ACVR2A: variants seen among roughly 807,000 people sequenced by gnomAD.
ACVR2A encodes activin receptor type-2A.
ACVR2A carries 7 observed loss-of-function variants against 61.4 expected under a neutral mutation model. The ratio of observed to expected loss-of-function variants is 0.11; its 90% CI spans 0.06 to 0.21. ACVR2A has a LOEUF of 0.21. ACVR2A is among the 10% of genes least tolerant of loss of function. ACVR2A has a pLI of 1.00. For missense variants in ACVR2A, 322 were observed against 621.7 expected (o/e 0.52, Z 5.13); for synonymous variants, 193 against 208.3 (o/e 0.93, Z 0.63).
At chr2:147,871,164 G>A (rs2105157802) in intron 1 of ACVR2A, among the ~76,000 whole-genome samples, 1 of 152,056 alleles carries the variant, frequency 6.6e-6, no homozygotes, top group South Asian at 2.1e-4. Context: ...TAGAGCTCAT[G>A]TGTGGAAAGG....
intron 2 of ACVR2A, among the ~76,000 whole-genome samples, chr2:147,897,485 CTG>C (rs1686766359): frequency 6.6e-6 from 1 of 152,134 alleles, no homozygotes; most frequent in African/African-American, 2.4e-5. Context: ...GATCCCTTAA[CTG>C]CCTGGGCCAC....
intron 1 of ACVR2A, among the ~76,000 whole-genome samples, chr2:147,854,149 T>C (rs1336183598): frequency 6.6e-6 from 1 of 152,182 alleles, no homozygotes; most frequent in Non-Finnish European, 1.5e-5. Context: ...GAAATAATAC[T>C]CTGACTAAAT....
Position 147,845,079 on chromosome 2 carries a change from T to G in ACVR2A, c.-74T>G. On this transcript the variant is annotated 5_prime_UTR_variant, in exon 1 of 11. Coordinates refer to ENST00000241416, the MANE Select transcript of ACVR2A (RefSeq NM_001616.5). ...GACGGTTGATTTTACACCAGGAGGT[T>G]TGTCTCCGAGGAAGACCCAGGGAAC... 1.6e-6 allele frequency: 2 copies of G among 1,267,716 alleles called. No individual in the cohort carries two copies. Among genetic ancestry groups the G allele is most frequent in the Non-Finnish European group, 2.2e-6 (2 of 897,996 alleles). 78.5% of individuals were successfully genotyped at this position (1,267,716 alleles called of 1,614,324 possible). A position where few individuals can be genotyped will look rare whatever the true frequency, so the allele number is the denominator to read the frequency against.
At chr2:147,874,126 G>A (rs1686095183) in intron 1 of ACVR2A, among the ~76,000 whole-genome samples, 1 of 151,870 alleles carries the variant, frequency 6.6e-6, no homozygotes. Context: ...CTTTGACAGT[G>A]AAATAAGATA....
chr2:147,891,589 A>G (rs1368914216), intron 1 of ACVR2A, among the ~76,000 whole-genome samples: 2 of 152,134 alleles, frequency 1.3e-5, no homozygotes, highest in African/African-American at 2.4e-5. Context: ...CCAAAAAAAG[A>G]ATAATATTTT....
intron 1 of ACVR2A, among the ~76,000 whole-genome samples, chr2:147,874,982 C>G (rs74751222): frequency 2.8e-3 from 421 of 152,028 alleles, no homozygotes; most frequent in African/African-American, 9.5e-3. Context: ...GACAAATTTC[C>G]TGTCCACCAA....
chr2:147,854,279 A>G (rs1573911584), intron 1 of ACVR2A, among the ~76,000 whole-genome samples: 1 of 152,212 alleles, frequency 6.6e-6, no homozygotes, highest in South Asian at 2.1e-4. Context: ...TTTAGCATGC[A>G]TTAAAAAGAA....
chr2:147,845,015 TTTTTTTTTTTTTG>T, upstream of ACVR2A: 1 of 211,016 alleles, frequency 4.7e-6, no homozygotes, highest in South Asian at 2.0e-4. Flanking sequence ...TTTTTTTTTT[TTTTTTTTTTTTTG>T]GTCTGGGCTT....
Position 147,928,894 on chromosome 2 carries a change from G to A in ACVR2A, c.*1620G>A, listed in dbSNP as rs1384282034. On this transcript the variant is annotated 3_prime_UTR_variant, in exon 11 of 11. Coordinates refer to ENST00000241416, the MANE Select transcript of ACVR2A (RefSeq NM_001616.5). ...GTATTATGCTGTGTATTTCTGTCAG[G>A]TCATTTTAAAATCCATGTTAATTTT... 2 of 152,272 alleles carry A rather than the reference G, an allele frequency of 1.3e-5. No homozygotes were observed. The highest frequency in any genetic ancestry group is 4.8e-5 in the African/African-American group (2 of 41,376). 9.4% of individuals were successfully genotyped at this position (152,272 alleles called of 1,614,324 possible). A position where few individuals can be genotyped will look rare whatever the true frequency, so the allele number is the denominator to read the frequency against.
At chr2:147,846,778 A>T (rs1685322197) in intron 1 of ACVR2A, among the ~76,000 whole-genome samples, 1 of 151,654 alleles carries the variant, frequency 6.6e-6, no homozygotes, top group Non-Finnish European at 1.5e-5. Context: ...TTCCAGTAGT[A>T]CTCTTTTTTC....
At chr2:147,896,268 T>C in intron 1 of ACVR2A, 33 bp from the exon 2 acceptor site, 2 of 1,553,148 alleles carry the variant, frequency 1.3e-6, no homozygotes, top group Non-Finnish European at 1.8e-6. Context: ...TAACAGATAA[T>C]GTGGTTATAT....
chr2:147,917,203 CTTAT>C (rs1488462648), intron 5 of ACVR2A, 76 bp from the exon 6 acceptor site: 5 of 1,371,364 alleles, frequency 3.6e-6, no homozygotes, highest in Non-Finnish European at 4.8e-6. Flanking sequence ...TACTTTGGAA[CTTAT>C]TTGAGTAATC....
At position 147,922,211 on chromosome 2, in the gene ACVR2A, T is replaced by TA. The variant is rs541813038; in HGVS notation, c.1078-754dup. Among the ~76,000 whole-genome samples the TA allele has an allele frequency of 4.6e-5, 7 of 152,088 alleles. No individual in the cohort carries two copies. In the East Asian group the frequency reaches 7.7e-4, roughly 17 times the overall value. On this transcript the variant is annotated intron_variant, in intron 8 of 10. Transcript: ENST00000241416. ...AGTCTTAGTGATCTGTCTTTATTCTTAAAAAAAATCTTTACATGTATATTT... is the reference window on the plus strand; with the variant it reads ...AGTCTTAGTGATCTGTCTTTATTCTTAAAAAAAAATCTTTACATGTATATTT...
At chr2:147,854,040 T>C (rs1266427004) in intron 1 of ACVR2A, among the ~76,000 whole-genome samples, 1 of 152,156 alleles carries the variant, frequency 6.6e-6, no homozygotes, top group Non-Finnish European at 1.5e-5. Context: ...TATCTTTAAG[T>C]CCCATTTAAA....
intron 4 of ACVR2A, among the ~76,000 whole-genome samples, chr2:147,904,806 G>A (rs1330391800): frequency 6.6e-6 from 1 of 152,014 alleles, no homozygotes; most frequent in Admixed American, 6.6e-5. Context: ...ACAGTTTTCA[G>A]CCAAGTTAAT....
intron 1 of ACVR2A, among the ~76,000 whole-genome samples, chr2:147,883,521 A>G (rs148001458): frequency 1.3e-5 from 2 of 152,330 alleles, no homozygotes; most frequent in African/African-American, 4.8e-5. Flanking sequence ...AAGAAACTAC[A>G]TAATACACAA....
Position 147,845,112 on chromosome 2 carries a change from C to G in ACVR2A, c.-41C>G, listed in dbSNP as rs1269953325. 1.3e-6 allele frequency: 2 copies of G among 1,504,306 alleles called. No individual in the cohort carries two copies. The highest frequency in any genetic ancestry group is 5.4e-5 in the East Asian group (2 of 36,790). 93.2% of individuals were successfully genotyped at this position (1,504,306 alleles called of 1,614,324 possible). A position where few individuals can be genotyped will look rare whatever the true frequency, so the allele number is the denominator to read the frequency against. ...GAGGAAGACCCAGGGAACTGGATAT[C>G]TAGCGAGAACTTCCTCCGGATTCCC... On this transcript the variant is annotated 5_prime_UTR_variant, in exon 1 of 11. It adds an upstream start codon to the 5' untranslated region. Coordinates refer to ENST00000241416, the MANE Select transcript of ACVR2A (RefSeq NM_001616.5).
Position 147,927,211 on chromosome 2 carries a change from C to T in ACVR2A, c.1479C>T (p.Asp493=). The T allele has an allele frequency of 6.2e-7, 1 of 1,612,184 alleles. No homozygotes were observed. The highest frequency in any genetic ancestry group is 8.5e-7 in the Non-Finnish European group (1 of 1,178,774). Reference sequence around the variant, plus strand: ...TAACAAATATTATTACCACAGAGGACATTGTAACAGTGGTCACAATGGTGA... The same window carrying T: ...TAACAAATATTATTACCACAGAGGATATTGTAACAGTGGTCACAATGGTGA... ...QRLTNIITTE[D]IVTVVTMVTN... Residue 493 remains aspartate (D), a synonymous_variant, in exon 11 of 11, where the codon GAC becomes GAT. Coordinates refer to ENST00000241416, the MANE Select transcript of ACVR2A (RefSeq NM_001616.5).
chr2:147,915,405 C>A, intron 5 of ACVR2A, 71 bp downstream of exon 5: 2 of 1,577,044 alleles, frequency 1.3e-6, no homozygotes, highest in South Asian at 1.1e-5. Context: ...CAGAAATAGT[C>A]TCAAAACAGA....
Sources: gnomAD v4.1 joint callset for allele counts (sites outside exome capture counted in the v4.1 genomes callset) on GRCh38, gnomAD v4.1.1 for gene constraint, MANE v1.5 for transcripts, NCBI Gene and HGNC (gene_info 2026-07-23, HGNC 2026-07-21) for gene names.